The following GALK2 variants were observed in gnomAD, a reference collection of about 807,000 sequenced individuals.
The protein encoded by GALK2 is galactokinase 2, also known as N-acetylgalactosamine kinase.
In GALK2, 36 loss-of-function variants were observed where a neutral mutation model predicts 52.4. The observed-to-expected ratio is 0.69, with a 90% CI of 0.53 to 0.91. The LOEUF is 0.91. Among genes scored for constraint, GALK2 ranks in the 40% least tolerant of loss-of-function variants. The probability of loss-of-function intolerance (pLI) is 0.00; values close to 1 mark genes in which losing one functional copy is unlikely to be tolerated. For synonymous variants in GALK2, 176 were observed against 199.1 expected (o/e 0.88, Z 0.98); for missense variants, 579 against 559.1 (o/e 1.04, Z -0.36).
At chr15:49,319,576 C>G (rs1371725343) in intron 8 of GALK2, 28 bp from the exon 9 acceptor site, 2 of 1,605,038 alleles carry the variant, frequency 1.2e-6, no homozygotes, top group East Asian at 4.5e-5. Context: ...TATTCCTAAC[C>G]TCCTTCCCCA....
At chr15:49,184,640 T>G (rs2086218261) in intron 1 of GALK2, among the ~76,000 whole-genome samples, 1 of 152,240 alleles carries the variant, frequency 6.6e-6, no homozygotes, top group African/African-American at 2.4e-5. Flanking sequence ...TTTGTGTTTT[T>G]TATTTGAGGT....
chr15:49,241,582 G>C (rs2091095509), intron 5 of GALK2, among the ~76,000 whole-genome samples: 1 of 152,188 alleles, frequency 6.6e-6, no homozygotes, highest in South Asian at 2.1e-4. Context: ...ACTTTGACAA[G>C]AGCAGTTTTA....
chr15:49,240,291 T>G (rs529731073), intron 5 of GALK2, among the ~76,000 whole-genome samples: 1 of 152,330 alleles, frequency 6.6e-6, no homozygotes, highest in East Asian at 1.9e-4. Flanking sequence ...GAAGTCCATG[T>G]GTAAAATGTG....
At chr15:49,199,650 TTA>T (rs10536779) in intron 1 of GALK2, among the ~76,000 whole-genome samples, 23,097 of 152,172 alleles carry the variant, frequency 0.15, 2,246 homozygotes, top group Non-Finnish European at 0.21. Context: ...GCCAAGCTGA[TTA>T]TATCTTTTGA....
At chr15:49,322,335 C>T (rs73394396) in intron 9 of GALK2, among the ~76,000 whole-genome samples, 1,856 of 152,268 alleles carry the variant, frequency 0.012, 36 homozygotes, top group African/African-American at 0.043. Flanking sequence ...TCTACTTATT[C>T]GATAACCATA....
intron 3 of GALK2, among the ~76,000 whole-genome samples, chr15:49,361,579 G>T (rs1343817004): frequency 6.6e-6 from 1 of 152,096 alleles, no homozygotes; most frequent in East Asian, 1.9e-4. Flanking sequence ...ACATGATCTT[G>T]TTAGTTTTTA....
At chr15:49,355,253 G>C (rs923271982) in intron 3 of GALK2, among the ~76,000 whole-genome samples, 1 of 152,226 alleles carries the variant, frequency 6.6e-6, no homozygotes, top group Non-Finnish European at 1.5e-5. Context: ...TGACTTTGAA[G>C]AGCTCAGAGA....
At chr15:49,235,149 A>G (rs1443310321) in intron 3 of GALK2, among the ~76,000 whole-genome samples, 1 of 152,156 alleles carries the variant, frequency 6.6e-6, no homozygotes, top group Non-Finnish European at 1.5e-5. Flanking sequence ...CATTTTTACT[A>G]AGTTTAGCCC....
chr15:49,233,897 T>C (rs1403640304), intron 3 of GALK2, among the ~76,000 whole-genome samples: 1 of 152,228 alleles, frequency 6.6e-6, no homozygotes, highest in African/African-American at 2.4e-5. Flanking sequence ...TTTATGTTCA[T>C]GTCATCTTGG....
At chr15:49,266,535 C>T in intron 5 of GALK2, among the ~76,000 whole-genome samples, 1 of 152,270 alleles carries the variant, frequency 6.6e-6, no homozygotes. Flanking sequence ...ATCTTCAGAC[C>T]AGCTTCCTCT....
intron 3 of GALK2, among the ~76,000 whole-genome samples, chr15:49,218,143 A>C (rs2089527002): frequency 6.6e-6 from 1 of 152,192 alleles, no homozygotes; most frequent in South Asian, 2.1e-4. Flanking sequence ...AATAACATTC[A>C]TGTATTCGGA....
chr15:49,291,153 GC>G (rs2033894947), intron 7 of GALK2, among the ~76,000 whole-genome samples: 1 of 148,846 alleles, frequency 6.7e-6, no homozygotes, highest in African/African-American at 2.5e-5. Context: ...ACAAGGTTTC[GC>G]CATTTTTTTT....
In GALK2 at chr15:49,227,877, A is replaced by G. The variant is rs114221683; in HGVS notation, c.267-7974A>G. Among the ~76,000 whole-genome samples, 978 of 151,680 alleles carry G rather than the reference A, an allele frequency of 6.4e-3. 15 individuals carry two copies. The highest frequency in any genetic ancestry group is 0.022 in the African/African-American group (922 of 41,316). On this transcript the variant is annotated intron_variant, in intron 3 of 9. Coordinates refer to ENST00000560031, the MANE Select transcript of GALK2 (RefSeq NM_002044.4). ...TTATCCCTTTGCTTCCAGGTATAGT[A>G]CTCCCTTAAGTATTGCTTGTAGGTT...
intron 8 of GALK2, among the ~76,000 whole-genome samples, chr15:49,309,352 T>G (rs1475368606): frequency 6.6e-6 from 1 of 152,212 alleles, no homozygotes; most frequent in African/African-American, 2.4e-5. Flanking sequence ...CAAACAAGAA[T>G]GCTGACTGAT....
At chr15:49,233,200 G>C (rs893456159) in intron 3 of GALK2, among the ~76,000 whole-genome samples, 2 of 152,194 alleles carry the variant, frequency 1.3e-5, no homozygotes, top group South Asian at 4.1e-4. Flanking sequence ...TTACAAGCAT[G>C]GTGGAAGGCA....
chr15:49,320,979 G>A (rs2036825003), intron 9 of GALK2, among the ~76,000 whole-genome samples: 2 of 152,146 alleles, frequency 1.3e-5, no homozygotes, highest in African/African-American at 4.8e-5. Flanking sequence ...CAGCTTCCTG[G>A]AATTCTCTAA....
In GALK2 at chr15:49,281,978, C is replaced by T. The variant is rs1414956289; in HGVS notation, c.505-9C>T. Reference sequence around the variant, plus strand: ...TACTCACAGTACAAATCAGTTTTTACCTTTCCAGGTGGAACTTGCAGAAAT... The same window carrying T: ...TACTCACAGTACAAATCAGTTTTTATCTTTCCAGGTGGAACTTGCAGAAAT... On this transcript the variant is annotated splice_polypyrimidine_tract_variant and intron_variant, in intron 5 of 9. Coordinates refer to ENST00000560031, the MANE Select transcript of GALK2 (RefSeq NM_002044.4). 6.8e-6 allele frequency: 11 copies of T among 1,606,642 alleles called. No homozygotes were observed. Among genetic ancestry groups the T allele is most frequent in the Non-Finnish European group, 9.4e-6 (11 of 1,174,220 alleles).
upstream of GALK2, among the ~76,000 whole-genome samples, chr15:49,167,175 G>A (rs1238055398): frequency 2.0e-5 from 3 of 152,096 alleles, no homozygotes; most frequent in Non-Finnish European, 4.4e-5. Flanking sequence ...ATCCTTTGAG[G>A]AGAAACAATT....
In GALK2 at chr15:49,192,545, G is replaced by A. The variant is rs147032034; in HGVS notation, c.54-8617G>A. On this transcript the variant is annotated intron_variant, in intron 1 of 9. Transcript: ENST00000560031. ...TATATAGTTGGAGGTGTATCTTCAG[G>A]GCAAATTCTTAGATAGTGGATTGCT... Among the ~76,000 whole-genome samples, 441 of 131,178 alleles carry A rather than the reference G, an allele frequency of 3.4e-3. 11 individuals are homozygous for A. The East Asian group carries it at 0.072, about 21-fold the overall frequency. The allele number at this position is 131,178 out of a possible 152,430, so 86.1% of individuals were successfully genotyped here.
Sources: allele counts gnomAD v4.1 joint callset (sites outside exome capture counted in the v4.1 genomes callset), GRCh38; gene constraint gnomAD v4.1.1; transcripts MANE v1.5; gene names NCBI Gene and HGNC (gene_info 2026-07-23, HGNC 2026-07-21).